The following CSMD1 variants were observed in gnomAD, a reference collection of about 807,000 sequenced individuals.
CSMD1 encodes the protein CUB and sushi domain-containing protein 1.
CSMD1 carries 213 observed loss-of-function variants against 417.5 expected under a neutral mutation model. That is an observed-to-expected ratio of 0.51 (90% confidence interval 0.46 to 0.57). CSMD1 has a LOEUF of 0.57. Ranked by LOEUF, CSMD1 falls within the 20% of genes least tolerant of loss-of-function variation. CSMD1 has a pLI of 0.00. For synonymous variants in CSMD1, 2,862 were observed against 1,736.8 expected (o/e 1.65, Z -16.11); for missense variants, 6,923 against 4,529.7 (o/e 1.53, Z -15.17).
At chr8:4,219,448 C>T (rs1307346028) in intron 3 of CSMD1, among the ~76,000 whole-genome samples, 1 of 152,064 alleles carries the variant, frequency 6.6e-6, no homozygotes, top group African/African-American at 2.4e-5. Context: ...TAATTCATAC[C>T]CGAACCTCTC....
At chr8:4,096,102 T>A (rs982252079) in intron 3 of CSMD1, among the ~76,000 whole-genome samples, 5 of 152,276 alleles carry the variant, frequency 3.3e-5, no homozygotes, top group African/African-American at 9.6e-5. Flanking sequence ...AAGACTGTTG[T>A]TGGATGGTTC....
chr8:4,054,138 A>C (rs2740884), intron 3 of CSMD1, among the ~76,000 whole-genome samples: 7 of 152,250 alleles, frequency 4.6e-5, no homozygotes, highest in Non-Finnish European at 1.0e-4. Context: ...ACTTTTTTCT[A>C]TGTAAGTACA....
At chr8:4,436,476 A>G (rs189426522) in intron 2 of CSMD1, among the ~76,000 whole-genome samples, 4 of 152,142 alleles carry the variant, frequency 2.6e-5, no homozygotes, top group Non-Finnish European at 5.9e-5. Context: ...AATGCATAAT[A>G]ATCACCTCAG....
intron 3 of CSMD1, among the ~76,000 whole-genome samples, chr8:4,195,218 T>C (rs1002613404): frequency 9.9e-5 from 15 of 152,178 alleles, no homozygotes; most frequent in Non-Finnish European, 4.4e-5. Context: ...GGTGCATACA[T>C]TCGATTTCAG....
At chr8:4,422,459 C>T (rs761043279) in intron 2 of CSMD1, among the ~76,000 whole-genome samples, 4 of 151,926 alleles carry the variant, frequency 2.6e-5, no homozygotes, top group East Asian at 1.9e-4. Context: ...GGTAAGCATA[C>T]GGTAAAAATA....
chr8:4,825,483 T>C (rs1799771813), intron 1 of CSMD1, among the ~76,000 whole-genome samples: 1 of 152,042 alleles, frequency 6.6e-6, no homozygotes, highest in Admixed American at 6.6e-5. Flanking sequence ...TTTATACCTC[T>C]TGAAAGATCG....
intron 3 of CSMD1, among the ~76,000 whole-genome samples, chr8:4,139,710 A>T (rs551129440): frequency 4.0e-5 from 6 of 151,256 alleles, no homozygotes; most frequent in African/African-American, 1.2e-4. Context: ...TTTTGGTGGG[A>T]AGCCCCGAGT....
intron 3 of CSMD1, among the ~76,000 whole-genome samples, chr8:4,091,615 C>T (rs1000964270): frequency 6.6e-6 from 1 of 152,128 alleles, no homozygotes; most frequent in Non-Finnish European, 1.5e-5. Context: ...CATAGAGTAG[C>T]AAGAAAACAA....
At chr8:4,797,648 T>A (rs1418499824) in intron 1 of CSMD1, among the ~76,000 whole-genome samples, 1 of 152,092 alleles carries the variant, frequency 6.6e-6, no homozygotes. Flanking sequence ...GATATAGAAA[T>A]CATGATAAAA....
At chr8:4,385,644 A>G (rs1446327011) in intron 3 of CSMD1, among the ~76,000 whole-genome samples, 2 of 152,196 alleles carry the variant, frequency 1.3e-5, no homozygotes, top group South Asian at 2.1e-4. Flanking sequence ...TGCAAAGACA[A>G]TTGGCATCAT....
chr8:4,739,528 T>C (rs1206265880), intron 1 of CSMD1, among the ~76,000 whole-genome samples: 1 of 152,116 alleles, frequency 6.6e-6, no homozygotes, highest in Admixed American at 6.5e-5. Flanking sequence ...TCAATGATAA[T>C]AACTTAAAGA....
intron 3 of CSMD1, among the ~76,000 whole-genome samples, chr8:4,162,198 A>C (rs7838244): frequency 0.78 from 118,189 of 151,638 alleles, 46,194 homozygotes; most frequent in South Asian, 0.87. Flanking sequence ...TTCCAAAATT[A>C]TATGCATGTC....
intron 3 of CSMD1, among the ~76,000 whole-genome samples, chr8:4,213,623 A>G (rs765887143): frequency 5.9e-5 from 9 of 152,214 alleles, no homozygotes; most frequent in African/African-American, 9.6e-5. Context: ...TTTTTAATGA[A>G]TTTTAAAATG....
intron 11 of CSMD1, among the ~76,000 whole-genome samples, chr8:3,492,994 G>C (rs897798381): frequency 6.6e-6 from 1 of 152,082 alleles, no homozygotes; most frequent in Non-Finnish European, 1.5e-5. Context: ...GAGGAGAGAG[G>C]TTAAAAAAGA....
At chr8:3,534,008 T>A (rs1798087804) in intron 10 of CSMD1, among the ~76,000 whole-genome samples, 1 of 152,190 alleles carries the variant, frequency 6.6e-6, no homozygotes. Flanking sequence ...AAATCTACTT[T>A]TGCGGAAGAA....
chr8:4,351,661 G>C (rs1801100170), intron 3 of CSMD1, among the ~76,000 whole-genome samples: 1 of 152,192 alleles, frequency 6.6e-6, no homozygotes, highest in African/African-American at 2.4e-5. Context: ...AGGCTTCCCA[G>C]GCAAGATGTC....
chr8:3,241,098 C>T (rs1357844150), intron 26 of CSMD1, among the ~76,000 whole-genome samples: 2 of 150,698 alleles, frequency 1.3e-5, no homozygotes, highest in Admixed American at 6.7e-5. Context: ...GCAACGGAGG[C>T]TTTGGATTGG....
intron 10 of CSMD1, among the ~76,000 whole-genome samples, chr8:3,532,062 A>G (rs1346332989): frequency 6.6e-6 from 1 of 152,234 alleles, no homozygotes; most frequent in African/African-American, 2.4e-5. Flanking sequence ...ATACTGCCTC[A>G]TGATTAGCTC....
intron 1 of CSMD1, among the ~76,000 whole-genome samples, chr8:4,809,351 G>A (rs546769192): frequency 1.3e-5 from 2 of 152,286 alleles, no homozygotes; most frequent in African/African-American, 2.4e-5. Context: ...ACCATGGGAT[G>A]AAACAACTGC....
Sources: gnomAD v4.1 joint callset for allele counts (sites outside exome capture counted in the v4.1 genomes callset) on GRCh38, gnomAD v4.1.1 for gene constraint, MANE v1.5 for transcripts, NCBI Gene and HGNC (gene_info 2026-07-23, HGNC 2026-07-21) for gene names.